The following ACCSL variants were observed in gnomAD, a reference collection of about 807,000 sequenced individuals.
The protein encoded by ACCSL is probable inactive 1-aminocyclopropane-1-carboxylate synthase-like protein 2.
ACCSL carries 55 observed loss-of-function variants against 61.7 expected under a neutral mutation model. The observed-to-expected ratio is 0.89, with a 90% confidence interval of 0.72 to 1.12. ACCSL has a LOEUF of 1.12. Ranked by LOEUF, ACCSL falls within the 50% of genes most tolerant of loss-of-function variation. ACCSL has a pLI of 0.00. For synonymous variants in ACCSL, 258 were observed against 264.3 expected (o/e 0.98, Z 0.23); for missense variants, 632 against 698.0 (o/e 0.91, Z 1.07).
At chr11:44,052,425 TC>T (rs1452092841) in intron 5 of ACCSL, among the ~76,000 whole-genome samples, 21 of 152,334 alleles carry the variant, frequency 1.4e-4, no homozygotes, top group African/African-American at 3.4e-4. Flanking sequence ...GTGATATTCT[TC>T]CCTCTTCTTC....
the ACCSL span, among the ~76,000 whole-genome samples, chr11:43,981,125 G>A: frequency 2.2e-5 from 3 of 136,620 alleles, no homozygotes; most frequent in Middle Eastern, 7.5e-3. Context: ...ACAAAAACCA[G>A]TACAGATTGC....
chr11:43,933,819 T>A, the ACCSL span, among the ~76,000 whole-genome samples: 1 of 152,032 alleles, frequency 6.6e-6, no homozygotes, highest in Non-Finnish European at 1.5e-5. Flanking sequence ...AGAGTCTCCC[T>A]GCCCCTGACT....
chr11:43,969,604 G>T, the ACCSL span, among the ~76,000 whole-genome samples: 20 of 151,822 alleles, frequency 1.3e-4, no homozygotes, highest in African/African-American at 4.6e-4. Context: ...CCTGTGGTGG[G>T]AGAGAATCCT....
At chr11:44,050,653 G>T (rs968597456) in intron 3 of ACCSL, 31 bp downstream of exon 3, 1 of 1,603,340 alleles carries the variant, frequency 6.2e-7, no homozygotes, top group African/African-American at 1.3e-5. Flanking sequence ...GAGTCTCTTG[G>T]TCCCACAGGC....
Position 44,048,621 on chromosome 11 carries a change from A to G in ACCSL, c.504+81A>G, listed in dbSNP as rs999496403. 44 of 1,358,384 alleles carry G rather than the reference A, an allele frequency of 3.2e-5. No homozygotes were observed. The Admixed American group carries it at 4.2e-4, about 13-fold the overall frequency. 84.1% of individuals were successfully genotyped at this position (1,358,384 alleles called of 1,614,324 possible). A position where few individuals can be genotyped will look rare whatever the true frequency, so the allele number is the denominator to read the frequency against. ...TTTACTGAGTCCTGGGCCAAGTGCT[A>G]TATATGCTCTCATTCTTTATAGCCT... On this transcript the variant is annotated intron_variant, in intron 1 of 13. Transcript: ENST00000378832.
In ACCSL at chr11:44,056,034, C is replaced by T; in HGVS notation, c.1140-6C>T. On this transcript the variant is annotated splice_region_variant and splice_polypyrimidine_tract_variant and intron_variant, in intron 9 of 13. Transcript: ENST00000378832. Reference sequence around the variant, plus strand: ...ACCTTAGTTAATTTTTCCACTTCTTCTTCAGTTTGCCTGATAGCAACAGGA... The same window carrying T: ...ACCTTAGTTAATTTTTCCACTTCTTTTTCAGTTTGCCTGATAGCAACAGGA... The T allele has an allele frequency of 1.2e-6, 2 of 1,614,188 alleles. No individual in the cohort carries two copies. The highest frequency in any genetic ancestry group is 2.2e-5 in the South Asian group (2 of 91,086).
the ACCSL span, among the ~76,000 whole-genome samples, chr11:43,981,856 C>T: frequency 6.6e-6 from 1 of 152,340 alleles, no homozygotes; most frequent in South Asian, 2.1e-4. Flanking sequence ...TCCCCTCTCC[C>T]CGCCCAGGGC....
the ACCSL span, chr11:43,945,238 G>A: frequency 1.3e-5 from 2 of 152,230 alleles, no homozygotes; most frequent in Non-Finnish European, 2.9e-5. Flanking sequence ...CCTCAGAGAT[G>A]TGAGGCCACT....
At chr11:44,042,727 CTGTGTAAGTATGAGG>C in the ACCSL span, among the ~76,000 whole-genome samples, 1 of 151,706 alleles carries the variant, frequency 6.6e-6, no homozygotes, top group Admixed American at 6.6e-5. Flanking sequence ...TGCAAATATC[CTGTGTAAGTATGAGG>C]CCCAACCCCA....
chr11:44,046,272 TTA>T (rs1160958934), upstream of ACCSL, among the ~76,000 whole-genome samples: 1 of 152,224 alleles, frequency 6.6e-6, no homozygotes, highest in Non-Finnish European at 1.5e-5. Context: ...AGTTTTTGCA[TTA>T]TGATTAAAGG....
At chr11:43,964,734 G>A in the ACCSL span, among the ~76,000 whole-genome samples, 9 of 152,022 alleles carry the variant, frequency 5.9e-5, no homozygotes, top group Non-Finnish European at 1.0e-4. Flanking sequence ...ATATTAAAAA[G>A]GATTATACAC....
At chr11:44,006,789 G>C in the ACCSL span, among the ~76,000 whole-genome samples, 1 of 152,122 alleles carries the variant, frequency 6.6e-6, no homozygotes, top group Admixed American at 6.5e-5. Flanking sequence ...ACAGGCATTA[G>C]CTACCACACC....
At chr11:44,047,102 C>T (rs1408968361), upstream of ACCSL, among the ~76,000 whole-genome samples, 9 of 152,160 alleles carry the variant, frequency 5.9e-5, no homozygotes, top group Non-Finnish European at 4.4e-5. Context: ...TCAGGTCTCA[C>T]CCCAGACATA....
chr11:43,986,013 C>A, the ACCSL span, among the ~76,000 whole-genome samples: 1 of 151,642 alleles, frequency 6.6e-6, no homozygotes, highest in African/African-American at 2.4e-5. Flanking sequence ...ATAAAGGCAT[C>A]TCCAACTGAA....
chr11:43,951,717 T>C, the ACCSL span, among the ~76,000 whole-genome samples: 1 of 152,206 alleles, frequency 6.6e-6, no homozygotes, highest in Non-Finnish European at 1.5e-5. Flanking sequence ...TAAATTACAT[T>C]GTAGGGCTGG....
chr11:43,979,871 G>GAA, the ACCSL span, among the ~76,000 whole-genome samples: 3 of 138,900 alleles, frequency 2.2e-5, no homozygotes, highest in Non-Finnish European at 1.5e-5. Flanking sequence ...AAAAAGAAAA[G>GAA]AAAAAAAAAT....
the ACCSL span, among the ~76,000 whole-genome samples, chr11:44,020,525 T>C: frequency 6.6e-6 from 1 of 152,228 alleles, no homozygotes; most frequent in Non-Finnish European, 1.5e-5. Flanking sequence ...GTTTTTATCA[T>C]GAAAGAGTGT....
the ACCSL span, among the ~76,000 whole-genome samples, chr11:43,960,855 G>A: frequency 6.6e-6 from 1 of 152,076 alleles, no homozygotes; most frequent in Non-Finnish European, 1.5e-5. Context: ...GTTCGCTCTT[G>A]TCACCCAGGC....
At chr11:43,988,301 C>T in the ACCSL span, among the ~76,000 whole-genome samples, 7 of 152,198 alleles carry the variant, frequency 4.6e-5, no homozygotes, top group Non-Finnish European at 1.0e-4. Context: ...ACCTCCAAAA[C>T]ACGGGGGTTC....
Sources: allele counts gnomAD v4.1 joint callset (sites outside exome capture counted in the v4.1 genomes callset), GRCh38; gene constraint gnomAD v4.1.1; transcripts MANE v1.5; gene names NCBI Gene and HGNC (gene_info 2026-07-23, HGNC 2026-07-21).